The following ABCB5 variants were observed in gnomAD, a reference collection of about 807,000 sequenced individuals.
The protein encoded by ABCB5 is ATP-binding cassette sub-family B member 5.
ABCB5 carries 155 observed loss-of-function variants against 144.2 expected under a neutral mutation model. The ratio of observed to expected loss-of-function variants is 1.08; its 90% confidence interval spans 0.94 to 1.23. ABCB5 has a LOEUF of 1.23. Ranked by LOEUF, ABCB5 falls within the 50% of genes most tolerant of loss-of-function variation. ABCB5 has a pLI of 0.00. For synonymous variants in ABCB5, 610 were observed against 528.6 expected, an observed-to-expected ratio of 1.15 and a Z score of -2.11; for missense variants, 1,830 against 1,520.8, an observed-to-expected ratio of 1.20 and a Z score of -3.38.
At chr7:20,703,974 A>G (rs1786723628) in intron 19 of ABCB5, among the ~76,000 whole-genome samples, 1 of 150,386 alleles carries the variant, frequency 6.6e-6, no homozygotes, top group South Asian at 2.1e-4. Context: ...GAAAATCTTT[A>G]TTATATGGCC....
At chr7:20,668,217 TGC>T (rs1785279526) in intron 14 of ABCB5, among the ~76,000 whole-genome samples, 1 of 144,264 alleles carries the variant, frequency 6.9e-6, no homozygotes, top group South Asian at 2.4e-4. Flanking sequence ...TCTGCCTGGC[TGC>T]ACAGTCTGGA....
chr7:20,668,579 C>A (rs1249195556), intron 14 of ABCB5, among the ~76,000 whole-genome samples: 3 of 144,410 alleles, frequency 2.1e-5, no homozygotes, highest in Non-Finnish European at 3.0e-5. Context: ...CCACCCCGTC[C>A]GGGAGGGAGG....
rs139707873 is a variant in ABCB5 at position 20,619,106 on chromosome 7, T to C, written c.-22+3269T>C. Among the ~76,000 whole-genome samples the C allele has an allele frequency of 2.9e-3, 438 of 152,258 alleles. 14 individuals are homozygous for C. In the South Asian group the frequency reaches 0.059, roughly 21 times the overall value. On this transcript the variant is annotated intron_variant, in intron 1 of 27. Coordinates refer to ENST00000404938, the MANE Select transcript of ABCB5 (RefSeq NM_001163941.2). ...CACATTTTCTTTATGCAATTCACCA[T>C]CGAAGGCACCCAGGTTGCTTCCATG...
intron 23 of ABCB5, among the ~76,000 whole-genome samples, chr7:20,729,667 G>A (rs35597612): frequency 0.11 from 16,879 of 152,116 alleles, 1,013 homozygotes; most frequent in Non-Finnish European, 0.13. Context: ...CATCATAAAC[G>A]TCATTGCTAA....
intron 14 of ABCB5, among the ~76,000 whole-genome samples, chr7:20,668,146 C>T (rs1292635073): frequency 4.0e-4 from 55 of 137,298 alleles, no homozygotes; most frequent in Non-Finnish European, 5.6e-4. Context: ...GCCGCCACCC[C>T]GTCTGGGAAG....
At chr7:20,733,469 A>G (rs1223761717) in intron 23 of ABCB5, among the ~76,000 whole-genome samples, 2 of 152,022 alleles carry the variant, frequency 1.3e-5, no homozygotes, top group Non-Finnish European at 2.9e-5. Flanking sequence ...GGTCTCTTCT[A>G]GATACATAAG....
At chr7:20,747,476 T>C (rs1157121192) in intron 26 of ABCB5, among the ~76,000 whole-genome samples, 1 of 152,168 alleles carries the variant, frequency 6.6e-6, no homozygotes, top group Non-Finnish European at 1.5e-5. Context: ...TAGGCTGGAC[T>C]CAAGCTCCTG....
chr7:20,707,367 T>A (rs565102033), intron 20 of ABCB5, among the ~76,000 whole-genome samples: 26 of 152,348 alleles, frequency 1.7e-4, no homozygotes, highest in African/African-American at 6.3e-4. Flanking sequence ...TCCTAGATAG[T>A]TGTCTGAATA....
chr7:20,750,350 C>T lies in ABCB5; in HGVS notation c.3430-3010C>T, dbSNP rs140881603. On this transcript the variant is annotated intron_variant, in intron 26 of 27. Transcript: ENST00000404938. ...CTGAGCAGCCTCATGGAATAAAACA[C>T]GGAGCAGTGATGAGAGTCCAAAGGC... 7.6e-4 allele frequency among the ~76,000 whole-genome samples: 115 copies of T among 151,620 alleles called. No individual in the cohort carries two copies. The East Asian group carries it at 8.9e-3, about 12-fold the overall frequency.
chr7:20,642,937 G>A (rs1478834063), intron 5 of ABCB5, among the ~76,000 whole-genome samples: 1 of 152,084 alleles, frequency 6.6e-6, no homozygotes, highest in Non-Finnish European at 1.5e-5. Flanking sequence ...ACTGAAAGAA[G>A]ATATAAGTAG....
intron 5 of ABCB5, among the ~76,000 whole-genome samples, chr7:20,638,222 CAATT>C (rs1297071078): frequency 2.6e-5 from 4 of 152,036 alleles, no homozygotes; most frequent in Non-Finnish European, 5.9e-5. Flanking sequence ...ACAAAGAAGA[CAATT>C]AAATCACTTA....
rs553342869 is a variant in ABCB5 at position 20,748,173 on chromosome 7, T to C, written c.3429+2735T>C. ...CATGGTGGTCCTAGGGTTTCAGAGA[T>C]GGGAACAAAGGTGCCCTTGCTCCTC... On this transcript the variant is annotated intron_variant, in intron 26 of 27. Transcript: ENST00000404938. Among the ~76,000 whole-genome samples the C allele has an allele frequency of 3.5e-4, 53 of 152,278 alleles. 1 individual carries two copies. Among genetic ancestry groups the C allele is most frequent in the African/African-American group, 1.2e-3 (50 of 41,562 alleles).
chr7:20,724,549 A>T (rs1583452837), intron 21 of ABCB5, among the ~76,000 whole-genome samples: 2 of 148,868 alleles, frequency 1.3e-5, no homozygotes, highest in East Asian at 4.0e-4. Flanking sequence ...GAATCACTTG[A>T]ACCCAGGAGG....
In ABCB5 at chr7:20,698,537, CA is replaced by C. The variant is rs763915083; in HGVS notation, c.2146del (p.Ile716LeufsTer2). 6 of 1,591,712 alleles carry C rather than the reference CA, an allele frequency of 3.8e-6. No homozygotes were observed. The highest frequency in any genetic ancestry group is 5.1e-6 in the Non-Finnish European group (6 of 1,173,774). ...TVHPVFSIIF[A>X]KIITMFGNND... is the part of the protein sequence containing the mutation. Reference sequence around the variant, plus strand: ...CATCCAGTATTTTCCATCATCTTTGCAAAAATTATAACCGTAAGTAAAATAA... The same window carrying C: ...CATCCAGTATTTTCCATCATCTTTGCAAAATTATAACCGTAAGTAAAATAA... On this transcript the variant is annotated frameshift_variant, in exon 17 of 28. Transcript: ENST00000404938. LOFTEE classifies it high-confidence loss of function.
At chr7:20,641,303 AT>A (rs969611902) in intron 5 of ABCB5, among the ~76,000 whole-genome samples, 1 of 151,728 alleles carries the variant, frequency 6.6e-6, no homozygotes, top group Non-Finnish European at 1.5e-5. Flanking sequence ...ATACATTGGC[AT>A]TTTTTTCAGG....
intron 20 of ABCB5, among the ~76,000 whole-genome samples, chr7:20,713,240 T>A (rs2128046850): frequency 6.7e-6 from 1 of 149,322 alleles, no homozygotes; most frequent in Non-Finnish European, 1.5e-5. Context: ...CCTGGGAATT[T>A]TTTTTTTTTT....
chr7:20,638,290 T>C (rs188484209), intron 5 of ABCB5, among the ~76,000 whole-genome samples: 2 of 152,338 alleles, frequency 1.3e-5, no homozygotes, highest in Non-Finnish European at 2.9e-5. Flanking sequence ...TATATTATAG[T>C]ATATTTACAT....
chr7:20,710,676 T>C lies in ABCB5; in HGVS notation c.2421+5869T>C. Among the ~76,000 whole-genome samples, 2 of 149,868 alleles carry C rather than the reference T, an allele frequency of 1.3e-5. 1 individual carries two copies. Among genetic ancestry groups the C allele is most frequent in the Non-Finnish European group, 3.0e-5 (2 of 67,376 alleles). ...TGTGAACTATGCCCTTGTACTTTTATTCTATTTGTGTGTCTGTATTTAGAG... is the reference window on the plus strand; with the variant it reads ...TGTGAACTATGCCCTTGTACTTTTACTCTATTTGTGTGTCTGTATTTAGAG... On this transcript the variant is annotated intron_variant, in intron 20 of 27. Coordinates refer to ENST00000404938, the MANE Select transcript of ABCB5 (RefSeq NM_001163941.2).
At chr7:20,695,298 G>A (rs1029061478) in intron 16 of ABCB5, among the ~76,000 whole-genome samples, 1 of 151,350 alleles carries the variant, frequency 6.6e-6, no homozygotes, top group African/African-American at 2.4e-5. Context: ...TCAACACAAG[G>A]GCAAAGGCAA....
Sources: allele counts gnomAD v4.1 joint callset (sites outside exome capture counted in the v4.1 genomes callset), GRCh38; gene constraint gnomAD v4.1.1; transcripts MANE v1.5; gene names NCBI Gene and HGNC (gene_info 2026-07-23, HGNC 2026-07-21).